Variants in PTER observed in about 807,000 individuals in gnomAD.
PTER encodes N-acetyltaurine hydrolase.
PTER carries 38 observed loss-of-function variants against 29.6 expected under a neutral mutation model. That is an observed-to-expected ratio of 1.28 (90% CI 0.99 to 1.68). The LOEUF is 1.68. Ranked by LOEUF, PTER falls within the 40% of genes most tolerant of loss-of-function variation. The pLI, the probability that PTER is intolerant of heterozygous loss-of-function variation, is 0.00. For synonymous variants in PTER, 172 were observed against 154.5 expected, an observed-to-expected ratio of 1.11 and a Z score of -0.84; for missense variants, 482 against 427.8, an observed-to-expected ratio of 1.13 and a Z score of -1.12.
chr10:16,440,961 G>T (rs1388391637), intron 1 of PTER, among the ~76,000 whole-genome samples: 2 of 152,186 alleles, frequency 1.3e-5, no homozygotes, highest in East Asian at 1.9e-4. Flanking sequence ...TGTGGGGAGG[G>T]CCCTGAAAGA....
At chr10:16,486,232 A>G in intron 2 of PTER, 120 bp from the exon 3 acceptor site, 2 of 1,174,350 alleles carry the variant, frequency 1.7e-6, no homozygotes, top group Non-Finnish European at 2.3e-6. Flanking sequence ...ATTGATAAAT[A>G]CTGAATACAT....
intron 3 of PTER, among the ~76,000 whole-genome samples, chr10:16,504,261 C>T (rs571331848): frequency 3.3e-5 from 5 of 152,226 alleles, no homozygotes; most frequent in East Asian, 1.9e-4. Flanking sequence ...CTGTACTCTA[C>T]GCTTGTCTGT....
intron 1 of PTER, among the ~76,000 whole-genome samples, chr10:16,464,909 G>C (rs1046081446): frequency 1.3e-5 from 2 of 152,134 alleles, no homozygotes; most frequent in African/African-American, 2.4e-5. Flanking sequence ...AATCATGGTG[G>C]GAAGGGAAGG....
chr10:16,439,829 T>C (rs938681428), intron 1 of PTER, among the ~76,000 whole-genome samples: 4 of 152,240 alleles, frequency 2.6e-5, no homozygotes, highest in African/African-American at 9.6e-5. Context: ...TCCCAAACTG[T>C]TGAGATTACA....
chr10:16,486,521 A>T lies in PTER; in HGVS notation c.602A>T (p.His201Leu), dbSNP rs536620018. ...QAQLGCPVII[H>L]PGRSSRAPFQ... is the part of the protein sequence containing the mutation. ...CAGCTTGGTTGTCCTGTTATTATCC[A>T]TCCTGGACGGAGCTCCAGGGCACCA... Residue 201 changes from histidine (H) to leucine (L), a missense_variant, in exon 3 of 5, where the codon CAT (histidine) becomes CTT (leucine). Transcript: ENST00000535784. The T allele has an allele frequency of 5.0e-6, 8 of 1,613,906 alleles. No individual in the cohort carries two copies. Among genetic ancestry groups the T allele is most frequent in the South Asian group, 1.1e-5 (1 of 91,080 alleles).
chr10:16,510,891 C>T (rs78591195), intron 4 of PTER, among the ~76,000 whole-genome samples, 155 bp from the exon 5 acceptor site: 1 of 152,246 alleles, frequency 6.6e-6, no homozygotes, highest in East Asian at 1.9e-4. Flanking sequence ...ATCGTCACCA[C>T]ACAATATTTA....
In PTER at chr10:16,474,795, G is replaced by A. The variant is rs140492706; in HGVS notation, c.-48-9542G>A. On this transcript the variant is annotated intron_variant, in intron 1 of 4. Coordinates refer to ENST00000535784, the MANE Select transcript of PTER (RefSeq NM_001261836.2). Reference sequence around the variant, plus strand: ...CCAGCTACTCAGGAGGCTGAGGCAGGAGAATCGCTTGAACCCAGGAAGCAG... The same window carrying A: ...CCAGCTACTCAGGAGGCTGAGGCAGAAGAATCGCTTGAACCCAGGAAGCAG... Among the ~76,000 whole-genome samples, 744 of 152,230 alleles carry A rather than the reference G, an allele frequency of 4.9e-3. 7 individuals are homozygous for A. The highest frequency in any genetic ancestry group is 0.017 in the African/African-American group (690 of 41,518).
chr10:16,475,128 T>C (rs1018565167), intron 1 of PTER, among the ~76,000 whole-genome samples: 1 of 152,184 alleles, frequency 6.6e-6, no homozygotes, highest in Admixed American at 6.5e-5. Flanking sequence ...AGGCCCCACC[T>C]GCTAATACTG....
intron 1 of PTER, among the ~76,000 whole-genome samples, chr10:16,463,607 G>A (rs7900562): frequency 0.54 from 81,067 of 150,868 alleles, 22,186 homozygotes; most frequent in South Asian, 0.7. Context: ...GTAGAGACAC[G>A]GTTTCACCGT....
chr10:16,503,263 G>T (rs1588630316), intron 3 of PTER, among the ~76,000 whole-genome samples: 1 of 151,082 alleles, frequency 6.6e-6, no homozygotes, highest in Non-Finnish European at 1.5e-5. Context: ...GTCTTGCTCT[G>T]TCACCCAGGC....
chr10:16,504,974 A>C, intron 3 of PTER, 46 bp from the exon 4 acceptor site: 1 of 1,605,938 alleles, frequency 6.2e-7, no homozygotes, highest in Non-Finnish European at 8.5e-7. Context: ...TACATGTGGA[A>C]AATGGGCTCT....
Position 16,445,186 on chromosome 10 carries a change from G to T in PTER, c.-49+8139G>T, listed in dbSNP as rs147939165. ...CCTATATAAGGGACACATTAAATGA[G>T]GTATGCATGCCTATGTTAGACAATA... On this transcript the variant is annotated intron_variant, in intron 1 of 4. Coordinates refer to ENST00000535784, the MANE Select transcript of PTER (RefSeq NM_001261836.2). Among the ~76,000 whole-genome samples, 57 of 152,322 alleles carry T rather than the reference G, an allele frequency of 3.7e-4. 1 individual carries two copies. Among genetic ancestry groups the T allele is most frequent in the African/African-American group, 1.3e-3 (55 of 41,574 alleles).
intron 1 of PTER, among the ~76,000 whole-genome samples, chr10:16,471,305 G>A (rs1174330995): frequency 6.6e-6 from 1 of 151,938 alleles, no homozygotes; most frequent in Non-Finnish European, 1.5e-5. Flanking sequence ...TTTGGTTGGG[G>A]GATTCAAAAT....
rs1836847105 is a variant in PTER at position 16,512,349 on chromosome 10, C to T, written c.*1093C>T. On this transcript the variant is annotated 3_prime_UTR_variant, in exon 5 of 5. Transcript: ENST00000535784. Reference sequence around the variant, plus strand: ...TGAATCCTCACTATGCTATTTGGTACCTAAAAATATTCTCCAAACCCTTGC... The same window carrying T: ...TGAATCCTCACTATGCTATTTGGTATCTAAAAATATTCTCCAAACCCTTGC... 1 of 152,090 alleles carries T rather than the reference C, an allele frequency of 6.6e-6. No homozygotes were observed. The highest frequency in any genetic ancestry group is 6.6e-5 in the Admixed American group (1 of 15,252). 9.4% of individuals were successfully genotyped at this position (152,090 alleles called of 1,614,324 possible). A position where few individuals can be genotyped will look rare whatever the true frequency, so the allele number is the denominator to read the frequency against.
intron 1 of PTER, among the ~76,000 whole-genome samples, chr10:16,479,099 G>T (rs531242371): frequency 1.3e-5 from 2 of 151,256 alleles, no homozygotes; most frequent in African/African-American, 4.9e-5. Flanking sequence ...AAAAAAAAAA[G>T]GAAAGCTTGG....
At chr10:16,456,252 T>A (rs531988501) in intron 1 of PTER, among the ~76,000 whole-genome samples, 10 of 152,346 alleles carry the variant, frequency 6.6e-5, no homozygotes, top group African/African-American at 2.4e-4. Context: ...AGAATCCTGC[T>A]ATGGGCCATC....
chr10:16,477,295 G>A (rs79550234), intron 1 of PTER, among the ~76,000 whole-genome samples: 52 of 143,516 alleles, frequency 3.6e-4, no homozygotes, highest in East Asian at 1.2e-3. Flanking sequence ...TAGATAGATA[G>A]ATAGATGGAT....
At chr10:16,474,595 A>G (rs965054484) in intron 1 of PTER, among the ~76,000 whole-genome samples, 4 of 152,088 alleles carry the variant, frequency 2.6e-5, no homozygotes, top group Admixed American at 1.3e-4. Context: ...TTACCAAAAA[A>G]AAAGAAATTT....
At chr10:16,463,198 TAAAAAAAAAAAAAA>T (rs535136619) in intron 1 of PTER, among the ~76,000 whole-genome samples, 1 of 79,398 alleles carries the variant, frequency 1.3e-5, no homozygotes, top group Admixed American at 1.6e-4. Flanking sequence ...AGACTCTGTC[TAAAAAAAAAAAAAA>T]AAAAAAAAAA....
Sources: gnomAD v4.1 joint callset for allele counts (sites outside exome capture counted in the v4.1 genomes callset) on GRCh38, gnomAD v4.1.1 for gene constraint, MANE v1.5 for transcripts, NCBI Gene and HGNC (gene_info 2026-07-23, HGNC 2026-07-21) for gene names.